PDE1A: variants seen among roughly 807,000 people sequenced by gnomAD.
The protein encoded by PDE1A is dual specificity calcium/calmodulin-dependent 3',5'-cyclic nucleotide phosphodiesterase 1A.
In PDE1A, 35 loss-of-function variants were observed where a neutral mutation model predicts 61.7. The observed-to-expected ratio is 0.57, with a 90% CI of 0.43 to 0.75. The LOEUF is 0.75. Among genes scored for constraint, PDE1A ranks in the 30% least tolerant of loss-of-function variants. PDE1A has a pLI of 0.00. For synonymous variants in PDE1A, 232 were observed against 213.2 expected, an observed-to-expected ratio of 1.09 and a Z score of -0.77; for missense variants, 597 against 630.6, an observed-to-expected ratio of 0.95 and a Z score of 0.57.
At chr2:182,202,130 A>G (rs930993800) in intron 8 of PDE1A, among the ~76,000 whole-genome samples, 6 of 152,168 alleles carry the variant, frequency 3.9e-5, no homozygotes, top group Admixed American at 3.3e-4. Context: ...TTTAAAGAAA[A>G]ACTATTCCAA....
chr2:182,395,449 C>T (rs1014096038), intron 1 of PDE1A, among the ~76,000 whole-genome samples: 1 of 152,160 alleles, frequency 6.6e-6, no homozygotes, highest in African/African-American at 2.4e-5. Context: ...AATTCAGGGA[C>T]CTTCTACCTC....
intron 1 of PDE1A, among the ~76,000 whole-genome samples, chr2:182,317,622 G>A (rs1696426277): frequency 1.3e-5 from 2 of 152,168 alleles, no homozygotes; most frequent in Admixed American, 1.3e-4. Context: ...CCGAAAGCCT[G>A]AAGGTATGCA....
At chr2:182,652,042 A>C in the PDE1A span, among the ~76,000 whole-genome samples, 1 of 152,178 alleles carries the variant, frequency 6.6e-6, no homozygotes, top group African/African-American at 2.4e-5. Flanking sequence ...CAATTGTAAA[A>C]ATTTATAGGA....
At chr2:182,492,136 G>C (rs151128935) in intron 2 of PDE1A, among the ~76,000 whole-genome samples, 413 of 152,042 alleles carry the variant, frequency 2.7e-3, no homozygotes, top group African/African-American at 9.5e-3. Context: ...CTTTAGATTT[G>C]TGAATTTTTT....
the PDE1A span, among the ~76,000 whole-genome samples, chr2:182,676,946 A>G: frequency 6.6e-6 from 1 of 152,216 alleles, no homozygotes; most frequent in Admixed American, 6.5e-5. Context: ...TGACAGACCC[A>G]CAGCCAACAT....
intron 1 of PDE1A, among the ~76,000 whole-genome samples, chr2:182,419,139 A>C (rs916127751): frequency 3.9e-5 from 6 of 152,066 alleles, no homozygotes; most frequent in Non-Finnish European, 5.9e-5. Flanking sequence ...CTAACAAGTT[A>C]AGTTCAAATT....
intron 13 of PDE1A, among the ~76,000 whole-genome samples, chr2:182,176,814 C>T (rs1692844635): frequency 1.3e-5 from 2 of 151,006 alleles, no homozygotes; most frequent in Admixed American, 6.6e-5. Flanking sequence ...GTGATATTGG[C>T]TGTGGGTTTG....
the PDE1A span, among the ~76,000 whole-genome samples, chr2:182,531,226 C>CAA: frequency 6.6e-6 from 1 of 150,838 alleles, no homozygotes; most frequent in Admixed American, 6.6e-5. Context: ...AAAACAGAAA[C>CAA]AAAAAACAGA....
chr2:182,367,909 T>G (rs557060010), intron 1 of PDE1A, among the ~76,000 whole-genome samples: 1 of 152,126 alleles, frequency 6.6e-6, no homozygotes, highest in African/African-American at 2.4e-5. Flanking sequence ...GTATAGAACT[T>G]GATCATTTGG....
intron 1 of PDE1A, among the ~76,000 whole-genome samples, chr2:182,379,914 C>T (rs1700628005): frequency 3.9e-5 from 6 of 152,112 alleles, no homozygotes; most frequent in Admixed American, 3.9e-4. Flanking sequence ...TCTGGACTAC[C>T]ATCCTGATGG....
chr2:182,684,189 A>T, the PDE1A span, among the ~76,000 whole-genome samples: 1 of 151,888 alleles, frequency 6.6e-6, no homozygotes, highest in Non-Finnish European at 1.5e-5. Flanking sequence ...ACCTAAAAAA[A>T]ATTATATAAA....
Position 182,276,910 on chromosome 2 carries a change from C to G in PDE1A, c.54-12496G>C, listed in dbSNP as rs983743600. Among the ~76,000 whole-genome samples the G allele has an allele frequency of 1.3e-5, 2 of 152,008 alleles. 1 individual carries two copies. The highest frequency in any genetic ancestry group is 4.1e-4 in the South Asian group (2 of 4,820). On this transcript the variant is annotated intron_variant, in intron 1 of 13. Coordinates refer to ENST00000351439, the Ensembl canonical transcript of PDE1A. ...AAATACGCCCTGGTCTCCTGCAGTA[C>G]CCTCGGGCTTATTAGGGTGGGGAAA...
chr2:182,335,371 A>G (rs546273483), intron 1 of PDE1A, among the ~76,000 whole-genome samples: 49 of 152,358 alleles, frequency 3.2e-4, no homozygotes, highest in African/African-American at 1.1e-3. Flanking sequence ...AAACTATACT[A>G]CAAGGTTACA....
the PDE1A span, among the ~76,000 whole-genome samples, chr2:182,627,146 T>A: frequency 6.2e-4 from 29 of 46,948 alleles, 4 homozygotes; most frequent in Non-Finnish European, 7.6e-4. Context: ...AATATAAATA[T>A]TATTTATATA....
chr2:182,197,434 T>C (rs531831695), intron 10 of PDE1A, among the ~76,000 whole-genome samples: 1 of 151,648 alleles, frequency 6.6e-6, no homozygotes, highest in Non-Finnish European at 1.5e-5. Context: ...TTTTCTTTTA[T>C]GGGTAATGCT....
At chr2:182,547,470 G>A in the PDE1A span, among the ~76,000 whole-genome samples, 1 of 152,148 alleles carries the variant, frequency 6.6e-6, no homozygotes, top group Non-Finnish European at 1.5e-5. Context: ...GACTCCAGAC[G>A]GGAACTAATT....
At chr2:182,594,002 T>C in the PDE1A span, among the ~76,000 whole-genome samples, 1 of 152,332 alleles carries the variant, frequency 6.6e-6, no homozygotes, top group African/African-American at 2.4e-5. Flanking sequence ...TTGTTACTTA[T>C]ATCTGTTTAT....
chr2:182,460,575 G>T (rs1338683092), intron 2 of PDE1A, among the ~76,000 whole-genome samples: 3 of 152,058 alleles, frequency 2.0e-5, no homozygotes, highest in African/African-American at 7.2e-5. Context: ...TATTGCATTT[G>T]CCTTGTTTCC....
the PDE1A span, among the ~76,000 whole-genome samples, chr2:182,549,966 C>A: frequency 6.6e-6 from 1 of 152,090 alleles, no homozygotes; most frequent in African/African-American, 2.4e-5. Flanking sequence ...CTTTTCCCTA[C>A]GACATTTTTA....
Sources: allele counts gnomAD v4.1 joint callset (sites outside exome capture counted in the v4.1 genomes callset), GRCh38; gene constraint gnomAD v4.1.1; transcripts MANE v1.5; gene names NCBI Gene and HGNC (gene_info 2026-07-23, HGNC 2026-07-21).